MPP7: variants seen among roughly 807,000 people sequenced by gnomAD.
MPP7 encodes the protein MAGUK p55 scaffold protein 7, also known as MAGUK p55 subfamily member 7.
A neutral mutation model predicts 76.5 loss-of-function variants in MPP7; 60 were observed. The ratio of observed to expected loss-of-function variants is 0.78; its 90% CI spans 0.64 to 0.97. The LOEUF (loss-of-function observed/expected upper bound fraction) is 0.97. Ranked by LOEUF, MPP7 falls within the 50% of genes least tolerant of loss-of-function variation. The probability of loss-of-function intolerance (pLI) is 0.00; values close to 1 mark genes in which losing one functional copy is unlikely to be tolerated. For synonymous variants in MPP7, 237 were observed against 244.5 expected, an observed-to-expected ratio of 0.97 and a Z score of 0.29; for missense variants, 641 against 694.0, an observed-to-expected ratio of 0.92 and a Z score of 0.86.
intron 1 of MPP7, among the ~76,000 whole-genome samples, chr10:28,263,422 G>A (rs1004101902): frequency 5.9e-5 from 9 of 152,150 alleles, no homozygotes; most frequent in Admixed American, 5.2e-4. Context: ...TATTACAGAA[G>A]GGATAAAGCC....
At chr10:28,217,830 GT>G in intron 2 of MPP7, among the ~76,000 whole-genome samples, 1 of 152,274 alleles carries the variant, frequency 6.6e-6, no homozygotes, top group East Asian at 1.9e-4. Flanking sequence ...ATAGAGAACC[GT>G]CTTTTCATCA....
intron 6 of MPP7, among the ~76,000 whole-genome samples, chr10:28,131,262 A>G (rs889694675): frequency 6.6e-6 from 1 of 152,168 alleles, no homozygotes; most frequent in Admixed American, 6.5e-5. Context: ...GACAATAGCA[A>G]TTTTTTTAAG....
chr10:28,200,414 A>C (rs535748315), intron 3 of MPP7, among the ~76,000 whole-genome samples: 1 of 152,356 alleles, frequency 6.6e-6, no homozygotes, highest in South Asian at 2.1e-4. Flanking sequence ...GTGCTATCTA[A>C]ATACTAGCAA....
chr10:28,305,471 A>C (rs1046453021), upstream of MPP7: 2 of 152,146 alleles, frequency 1.3e-5, no homozygotes, highest in African/African-American at 2.4e-5. Flanking sequence ...CCTACTGTTT[A>C]CTAGAAATAG....
At chr10:28,216,628 T>C (rs898655436) in intron 2 of MPP7, among the ~76,000 whole-genome samples, 7 of 152,194 alleles carry the variant, frequency 4.6e-5, no homozygotes, top group African/African-American at 1.7e-4. Context: ...ATTTGCACTT[T>C]CCTCCAGACT....
intron 1 of MPP7, among the ~76,000 whole-genome samples, chr10:28,291,043 GAGA>G (rs1450912473): frequency 3.9e-5 from 6 of 152,150 alleles, no homozygotes; most frequent in African/African-American, 1.4e-4. Flanking sequence ...AATGTCCATG[GAGA>G]AGAAGAATAA....
At chr10:28,298,419 G>T (rs895612441) in intron 1 of MPP7, among the ~76,000 whole-genome samples, 5 of 152,158 alleles carry the variant, frequency 3.3e-5, no homozygotes, top group African/African-American at 1.2e-4. Flanking sequence ...TGGGTGACCA[G>T]GTGCATTGTC....
intron 2 of MPP7, among the ~76,000 whole-genome samples, chr10:28,205,556 T>C (rs1014997404): frequency 7.2e-5 from 11 of 152,070 alleles, no homozygotes; most frequent in Non-Finnish European, 1.3e-4. Flanking sequence ...CAGTAAACAG[T>C]TATGGTAGCT....
intron 1 of MPP7, among the ~76,000 whole-genome samples, chr10:28,299,822 G>A (rs1841112663): frequency 6.7e-6 from 1 of 149,330 alleles, no homozygotes; most frequent in South Asian, 2.1e-4. Context: ...CTGGAGTGCA[G>A]TGGCACGATC....
intron 5 of MPP7, among the ~76,000 whole-genome samples, chr10:28,143,034 C>T (rs1273181203): frequency 6.6e-6 from 1 of 151,700 alleles, no homozygotes; most frequent in Non-Finnish European, 1.5e-5. Flanking sequence ...AACAAAGGTT[C>T]GTCTGTAAGT....
chr10:28,252,353 T>C (rs962333379), intron 1 of MPP7, among the ~76,000 whole-genome samples: 24 of 152,224 alleles, frequency 1.6e-4, no homozygotes, highest in African/African-American at 5.8e-4. Context: ...TATTCCATAG[T>C]AGGGCATTCC....
chr10:28,086,437 C>T (rs907066408), intron 12 of MPP7, among the ~76,000 whole-genome samples: 8 of 152,170 alleles, frequency 5.3e-5, no homozygotes, highest in Admixed American at 1.3e-4. Context: ...AACTGAAGTG[C>T]ATACAATTAA....
intron 11 of MPP7, among the ~76,000 whole-genome samples, chr10:28,098,915 G>A (rs567466921): frequency 6.6e-6 from 1 of 151,932 alleles, no homozygotes; most frequent in African/African-American, 2.4e-5. Flanking sequence ...TAGTAACGAT[G>A]AAAAAAAGAA....
intron 1 of MPP7, among the ~76,000 whole-genome samples, chr10:28,267,997 T>G (rs566210944): frequency 6.6e-6 from 1 of 152,034 alleles, no homozygotes; most frequent in Non-Finnish European, 1.5e-5. Flanking sequence ...GAAGTACCAC[T>G]GTACTCCACC....
chr10:28,175,148 G>C (rs1417700769), intron 3 of MPP7, among the ~76,000 whole-genome samples: 2 of 152,178 alleles, frequency 1.3e-5, no homozygotes, highest in East Asian at 3.9e-4. Context: ...AAATCAGTTG[G>C]GCGTGGTGAT....
At chr10:28,164,593 A>G (rs1000090645) in intron 3 of MPP7, among the ~76,000 whole-genome samples, 3 of 152,134 alleles carry the variant, frequency 2.0e-5, no homozygotes, top group Non-Finnish European at 4.4e-5. Flanking sequence ...TAATAGACCA[A>G]GAGTGTCCAA....
At chr10:28,069,953 A>C in intron 12 of MPP7, 101 bp from the exon 13 acceptor site, 1 of 738,158 alleles carries the variant, frequency 1.4e-6, no homozygotes. Context: ...ACATGGATCC[A>C]GCTTTGCATC....
chr10:28,280,031 C>G (rs1840621656), intron 1 of MPP7: 1 of 152,008 alleles, frequency 6.6e-6, no homozygotes, highest in Admixed American at 6.5e-5. Context: ...ACTGGTAAAC[C>G]AGGACAATGA....
chr10:28,229,034 G>A (rs903519512), intron 2 of MPP7, among the ~76,000 whole-genome samples: 1 of 152,146 alleles, frequency 6.6e-6, no homozygotes, highest in Middle Eastern at 3.2e-3. Context: ...AGAATGATAG[G>A]AGAGAGGAAG....
Sources: allele counts gnomAD v4.1 joint callset (sites outside exome capture counted in the v4.1 genomes callset), GRCh38; gene constraint gnomAD v4.1.1; transcripts MANE v1.5; gene names NCBI Gene and HGNC (gene_info 2026-07-23, HGNC 2026-07-21).